The following ACAP1 variants were observed in gnomAD, a reference collection of about 807,000 sequenced individuals.
ACAP1 encodes ArfGAP with coiled-coil, ankyrin repeat and PH domains 1.
A neutral mutation model predicts 98.8 loss-of-function variants in ACAP1; 45 were observed. That is an observed-to-expected ratio of 0.46 (90% CI 0.36 to 0.58). ACAP1 has a LOEUF of 0.58. ACAP1 is among the 20% of genes least tolerant of loss of function. ACAP1 has a pLI of 0.00. For synonymous variants in ACAP1, 362 were observed against 375.3 expected, an observed-to-expected ratio of 0.96 and a Z score of 0.41; for missense variants, 735 against 971.4, an observed-to-expected ratio of 0.76 and a Z score of 3.24.
At chr17:7,345,637 CTTTTCTTT>C (rs893081717) in intron 10 of ACAP1, 27 of 151,788 alleles carry the variant, frequency 1.8e-4, no homozygotes, top group African/African-American at 6.1e-4. Flanking sequence ...AAGATTCTTT[CTTTTCTTT>C]TTTTCTTTTT....
rs1473434046 is a variant in ACAP1 at position 7,348,420 on chromosome 17, T to C, written c.1623T>C (p.Pro541=). 6.6e-7 allele frequency: 1 copy of C among 1,526,370 alleles called. No individual in the cohort carries two copies. The highest frequency in any genetic ancestry group is 1.3e-5 in the South Asian group (1 of 77,544). 94.6% of individuals were successfully genotyped at this position (1,526,370 alleles called of 1,614,324 possible). Residue 541 remains proline, a synonymous_variant, in exon 17 of 22, where the codon CCT becomes CCC. Transcript: ENST00000158762. ...GGGGGCGCCCAAGGGGGCAGCCTCC[T>C]GTGCCCCCAAAGCCTTCCATCAGGC... ...GGRGRPRGQP[P]VPPKPSIRPR... is the part of the protein sequence containing the mutation.
At position 7,341,798 on chromosome 17, in the gene ACAP1, G is replaced by C. The variant is rs763477123; in HGVS notation, c.112-150G>C. On this transcript the variant is annotated intron_variant, in intron 2 of 21. Coordinates refer to ENST00000158762, the MANE Select transcript of ACAP1 (RefSeq NM_014716.4). ...ACAGCAGGTATGTGTTAGATACAGGGAGAGCTGGATGAGCCTGGAGGGCAG... is the reference window on the plus strand; with the variant it reads ...ACAGCAGGTATGTGTTAGATACAGGCAGAGCTGGATGAGCCTGGAGGGCAG... The C allele has an allele frequency of 2.6e-4, 292 of 1,128,238 alleles. 1 individual carries two copies. Among genetic ancestry groups the C allele is most frequent in the Non-Finnish European group, 3.4e-4 (270 of 789,974 alleles). 69.9% of individuals were successfully genotyped at this position (1,128,238 alleles called of 1,614,324 possible). A position where few individuals can be genotyped will look rare whatever the true frequency, so the allele number is the denominator to read the frequency against.
chr17:7,348,292 C>A lies in ACAP1; in HGVS notation c.1509-14C>A. On this transcript the variant is annotated splice_polypyrimidine_tract_variant and intron_variant, in intron 16 of 21. Transcript: ENST00000158762. ...GCAGAAGAGGGAAGACTGCGTGCTTCTCCCCTCCCACAGGCAGGAGAAGGA... is the reference window on the plus strand; with the variant it reads ...GCAGAAGAGGGAAGACTGCGTGCTTATCCCCTCCCACAGGCAGGAGAAGGA... The A allele has an allele frequency of 6.3e-7, 1 of 1,593,472 alleles. No individual in the cohort carries two copies. The highest frequency in any genetic ancestry group is 8.6e-7 in the Non-Finnish European group (1 of 1,168,082).
chr17:7,343,723 C>T lies in ACAP1; in HGVS notation c.546C>T (p.Asp182=), dbSNP rs1431748632. The T allele has an allele frequency of 6.2e-7, 1 of 1,613,980 alleles. No homozygotes were observed. The highest frequency in any genetic ancestry group is 8.5e-7 in the Non-Finnish European group (1 of 1,179,982). The stretch of plus-strand genomic sequence containing the variant: ...GTCCTCAGATCAACGTGATTGAGGA[C>T]AAGAGGAAGTTTGACATCATGGAGT... ...DYALQINVIE[D]KRKFDIMEFV... The change falls in exon 7 of 22, where the codon GAC becomes GAT. Residue 182 remains aspartate, a synonymous_variant. Transcript: ENST00000158762. The surrounding 1 kb of genome is among the most constrained non-coding windows in gnomAD (Gnocchi z 4.9).
rs1478030920 is a variant in ACAP1 at position 7,349,120 on chromosome 17, A to T, written c.1804A>T (p.Asn602Tyr). ...CCATGGAGCTGATGTCAACTGGGTC[A>T]ATGGGGGCCAAGATAATGCCACACC... ...LAHGADVNWV[N>Y]GGQDNATPLI... Residue 602 changes from asparagine to tyrosine, a missense_variant, in exon 18 of 22, where the codon AAT (asparagine) becomes TAT (tyrosine). Physicochemically the swap from Asn to Tyr is moderately radical, Grantham distance 143 (BLOSUM62 -2). Coordinates refer to ENST00000158762, the MANE Select transcript of ACAP1 (RefSeq NM_014716.4). The T allele has an allele frequency of 6.2e-7, 1 of 1,613,990 alleles. No individual in the cohort carries two copies. Among genetic ancestry groups the T allele is most frequent in the South Asian group, 1.1e-5 (1 of 91,076 alleles).
chr17:7,346,044 C>T (rs1597652725), intron 10 of ACAP1, 200 bp from the exon 11 acceptor site: 4 of 599,068 alleles, frequency 6.7e-6, no homozygotes, highest in East Asian at 5.4e-5. Context: ...TATATGAAAT[C>T]TGGGTTGTCC....
chr17:7,344,020 G>A lies in ACAP1; in HGVS notation c.670-29G>A. ...AGGGACTCCTAACTGGGGGGCCTTG[G>A]ACATCTGAGATGCCCTTCCTGTGCC... On this transcript the variant is annotated intron_variant, in intron 8 of 21. Coordinates refer to ENST00000158762, the MANE Select transcript of ACAP1 (RefSeq NM_014716.4). This position sits in a 1 kb window ranked among gnomAD's most constrained non-coding sequence, Gnocchi z 4.9. The A allele has an allele frequency of 6.3e-7, 1 of 1,580,182 alleles. No homozygotes were observed. The highest frequency in any genetic ancestry group is 8.6e-7 in the Non-Finnish European group (1 of 1,162,502).
chr17:7,337,618 C>CTGCGG (rs2073234321), intron 2 of ACAP1, among the ~76,000 whole-genome samples: 5 of 152,256 alleles, frequency 3.3e-5, no homozygotes, highest in Middle Eastern at 3.4e-3. Context: ...CTTTGGGAGG[C>CTGCGG]CAAGGTGAAT....
At chr17:7,338,659 C>G (rs2073244466) in intron 2 of ACAP1, among the ~76,000 whole-genome samples, 1 of 152,064 alleles carries the variant, frequency 6.6e-6, no homozygotes, top group Non-Finnish European at 1.5e-5. Context: ...CCCTCCTCAA[C>G]CTCCCCAGTA....
At chr17:7,337,563 T>C (rs1366145276) in intron 2 of ACAP1, among the ~76,000 whole-genome samples, 194 bp downstream of exon 2, 1 of 152,094 alleles carries the variant, frequency 6.6e-6, no homozygotes, top group East Asian at 1.9e-4. Flanking sequence ...AAAACAAGAC[T>C]TACTTTTGGG....
chr17:7,343,908 T>C lies in ACAP1; in HGVS notation c.621T>C (p.His207=), dbSNP rs1345666535. The C allele has an allele frequency of 1.9e-6, 3 of 1,610,616 alleles. No homozygotes were observed. The stretch of plus-strand genomic sequence containing the variant: ...AGGCTACCCATTTCCAGCAGGGCCA[T>C]GAGGAGCTGAGCCGGCTGTCCCAGT... ...EAQATHFQQG[H]EELSRLSQYR... The change falls in exon 8 of 22, where the codon CAT becomes CAC. Residue 207 remains histidine, a synonymous_variant. Transcript: ENST00000158762. The surrounding 1 kb of genome is among the most constrained non-coding windows in gnomAD (Gnocchi z 4.9).
At chr17:7,348,844 C>T in intron 17 of ACAP1, 151 bp from the exon 18 acceptor site, 1 of 725,100 alleles carries the variant, frequency 1.4e-6, no homozygotes, top group South Asian at 1.8e-5. Flanking sequence ...CTTACACATA[C>T]CCACACTTGC....
chr17:7,346,594 TTA>T (rs2073348749), intron 12 of ACAP1, 103 bp downstream of exon 12: 2 of 1,240,584 alleles, frequency 1.6e-6, no homozygotes, highest in East Asian at 2.3e-5. Flanking sequence ...GCTCCAGACT[TTA>T]ATTTAATTCT....
chr17:7,346,403 G>A lies in ACAP1; in HGVS notation c.919G>A (p.Val307Met), dbSNP rs753237133. Residue 307 changes from valine (V) to methionine (M), a missense_variant, in exon 12 of 22, where the codon GTG becomes ATG. This residue lies in a region of ACAP1 where 430 missense variants were observed against 531.8 expected (regional missense o/e 0.81). Transcript: ENST00000158762. ...YQKKYKDPVT[V>M]VVDDLRLCTV... Reference sequence around the variant, plus strand: ...CTTATCCTGCCAGGACCCTGTGACTGTGGTGGTGGATGACCTTCGTCTCTG... The same window carrying A: ...CTTATCCTGCCAGGACCCTGTGACTATGGTGGTGGATGACCTTCGTCTCTG... 1.9e-6 allele frequency: 3 copies of A among 1,614,012 alleles called. No individual in the cohort carries two copies. The Admixed American group carries it at 5.0e-5, about 27-fold the overall frequency.
At chr17:7,339,971 A>G (rs1448194723) in intron 2 of ACAP1, among the ~76,000 whole-genome samples, 1 of 152,030 alleles carries the variant, frequency 6.6e-6, no homozygotes, top group Non-Finnish European at 1.5e-5. Context: ...CACTCAGAAT[A>G]ATGCTGCTGC....
At chr17:7,336,816 G>A in intron 1 of ACAP1, 29 bp downstream of exon 1, 1 of 1,612,506 alleles carries the variant, frequency 6.2e-7, no homozygotes. Flanking sequence ...GGGGGGCTAA[G>A]GAGGGGAAAG....
rs2036137369 is a variant in ACAP1, at chr17:7,343,185, G to A, written c.345-194G>A. The A allele has an allele frequency of 9.1e-6, 5 of 546,712 alleles. No individual in the cohort carries two copies. The South Asian group carries it at 1.5e-4, about 16-fold the overall frequency. The allele number at this position is 546,712 out of a possible 1,614,324, so 33.9% of individuals were successfully genotyped here. Reference sequence around the variant, plus strand: ...ACCAGCCCTGCTGCCCTCTTCCCATGGCCACAGGAGCCTCCCCAGTGACGG... The same window carrying A: ...ACCAGCCCTGCTGCCCTCTTCCCATAGCCACAGGAGCCTCCCCAGTGACGG... On this transcript the variant is annotated intron_variant, in intron 5 of 21. Coordinates refer to ENST00000158762, the MANE Select transcript of ACAP1 (RefSeq NM_014716.4). The surrounding 1 kb of genome is among the most constrained non-coding windows in gnomAD (Gnocchi z 4.9).
At chr17:7,338,686 A>T (rs747080672) in intron 2 of ACAP1, among the ~76,000 whole-genome samples, 1 of 151,970 alleles carries the variant, frequency 6.6e-6, no homozygotes, top group Non-Finnish European at 1.5e-5. Context: ...CTACAGGCAC[A>T]TGCCACCACG....
At chr17:7,346,074 T>G (rs1168686687) in intron 10 of ACAP1, 170 bp from the exon 11 acceptor site, 1 of 690,112 alleles carries the variant, frequency 1.4e-6, no homozygotes, top group Non-Finnish European at 2.6e-6. Flanking sequence ...ATAGCATCCT[T>G]TAGATGTTCC....
Sources: allele counts gnomAD v4.1 joint callset (sites outside exome capture counted in the v4.1 genomes callset), GRCh38; gene constraint gnomAD v4.1.1; regional missense constraint gnomAD v4.1.1; non-coding constraint Gnocchi (gnomAD v3.1); transcripts MANE v1.5; gene names NCBI Gene and HGNC (gene_info 2026-07-23, HGNC 2026-07-21).